The following SPDYA variants were observed in gnomAD, a reference collection of about 807,000 sequenced individuals.
SPDYA encodes speedy protein A.
A neutral mutation model predicts 36.7 loss-of-function variants in SPDYA; 11 were observed. The ratio of observed to expected loss-of-function variants is 0.30; its 90% CI spans 0.19 to 0.50. The LOEUF is 0.50. SPDYA is among the 20% of genes least tolerant of loss of function. The pLI, the probability that SPDYA is intolerant of heterozygous loss-of-function variation, is 0.98. For synonymous variants in SPDYA, 115 were observed against 118.7 expected, an observed-to-expected ratio of 0.97 and a Z score of 0.20; for missense variants, 287 against 370.9, an observed-to-expected ratio of 0.77 and a Z score of 1.86.
Position 28,829,131 on chromosome 2 carries a change from G to A in SPDYA, c.381-17G>A, listed in dbSNP as rs751731136. Reference sequence around the variant, plus strand: ...CCTTTACCCATTTCTTTTTTGGGTTGTGATCTTCTTTGTTAGGTATCTGGC... The same window carrying A: ...CCTTTACCCATTTCTTTTTTGGGTTATGATCTTCTTTGTTAGGTATCTGGC... On this transcript the variant is annotated splice_polypyrimidine_tract_variant and intron_variant, in intron 5 of 7. Coordinates refer to ENST00000334056, the MANE Select transcript of SPDYA (RefSeq NM_182756.4). 1 of 1,598,384 alleles carries A rather than the reference G, an allele frequency of 6.3e-7. No homozygotes were observed. Among genetic ancestry groups the A allele is most frequent in the African/African-American group, 1.4e-5 (1 of 73,750 alleles).
intron 4 of SPDYA, among the ~76,000 whole-genome samples, 165 bp from the exon 5 acceptor site, chr2:28,822,160 C>T (rs1342940890): frequency 2.6e-5 from 4 of 152,126 alleles, no homozygotes; most frequent in Non-Finnish European, 4.4e-5. Context: ...TCACTGTTCA[C>T]ATGGTGGATT....
At chr2:28,842,796 A>G (rs1668779814) in intron 7 of SPDYA, among the ~76,000 whole-genome samples, 1 of 152,138 alleles carries the variant, frequency 6.6e-6, no homozygotes, top group South Asian at 2.1e-4. Flanking sequence ...TTTAATGGAG[A>G]GTGAGCTCAC....
chr2:28,840,220 G>A lies in SPDYA; in HGVS notation c.601G>A (p.Val201Ile). ...TTATATCTGGCAAAGAGAACGTTCT[G>A]TTCATCACAGTGGAGCTGTCAGAAA... ...THYIWQRERS[V>I]HHSGAVRNYN... Residue 201 changes from valine to isoleucine, a missense_variant, in exon 7 of 8, where the codon GTT becomes ATT. Physicochemically the swap from Val to Ile is conservative, Grantham distance 29 (BLOSUM62 3). Coordinates refer to ENST00000334056, the MANE Select transcript of SPDYA (RefSeq NM_182756.4). The A allele has an allele frequency of 6.2e-7, 1 of 1,614,166 alleles. No homozygotes were observed. The highest frequency in any genetic ancestry group is 8.5e-7 in the Non-Finnish European group (1 of 1,180,030).
chr2:28,824,814 G>A (rs112344601), intron 5 of SPDYA, among the ~76,000 whole-genome samples: 34 of 152,152 alleles, frequency 2.2e-4, no homozygotes, highest in African/African-American at 8.2e-4. Context: ...CTCCCAAAGT[G>A]CTAGGATTAC....
At chr2:28,832,720 C>T (rs1474212324) in intron 6 of SPDYA, among the ~76,000 whole-genome samples, 1 of 152,056 alleles carries the variant, frequency 6.6e-6, no homozygotes, top group Non-Finnish European at 1.5e-5. Context: ...TATATTTGTA[C>T]CTTGAAAAAA....
At chr2:28,822,759 C>A (rs1170117428) in intron 5 of SPDYA, among the ~76,000 whole-genome samples, 1 of 152,148 alleles carries the variant, frequency 6.6e-6, no homozygotes, top group African/African-American at 2.4e-5. Context: ...AGCCACGTGC[C>A]ACCACGCTCA....
chr2:28,837,742 CTT>C (rs201687264), intron 6 of SPDYA, among the ~76,000 whole-genome samples: 2,038 of 132,476 alleles, frequency 0.015, 35 homozygotes, highest in African/African-American at 0.052. Context: ...AGAGTCAGTG[CTT>C]TTTTTTTTTT....
intron 4 of SPDYA, among the ~76,000 whole-genome samples, chr2:28,819,547 G>C (rs1226247757): frequency 1.3e-5 from 2 of 151,642 alleles, no homozygotes; most frequent in Non-Finnish European, 2.9e-5. Flanking sequence ...AAAAATAAGA[G>C]CTAGCCTGCA....
intron 6 of SPDYA, among the ~76,000 whole-genome samples, chr2:28,834,660 C>T (rs1668550969): frequency 6.6e-6 from 1 of 152,086 alleles, no homozygotes; most frequent in Admixed American, 6.6e-5. Flanking sequence ...TATGAAAGGT[C>T]CAGAATGGAC....
intron 4 of SPDYA, among the ~76,000 whole-genome samples, chr2:28,819,434 T>C (rs1668077823): frequency 6.6e-6 from 1 of 151,910 alleles, no homozygotes; most frequent in African/African-American, 2.4e-5. Context: ...AACCCAGAAG[T>C]TGGAGGATAC....
At chr2:28,813,132 G>A (rs1427472881) in intron 1 of SPDYA, among the ~76,000 whole-genome samples, 1 of 152,114 alleles carries the variant, frequency 6.6e-6, no homozygotes, top group African/African-American at 2.4e-5. Context: ...TTTTCTGCCA[G>A]TGTTTGCTTA....
chr2:28,814,169 T>C (rs977431441), intron 1 of SPDYA, among the ~76,000 whole-genome samples: 10 of 152,206 alleles, frequency 6.6e-5, no homozygotes, highest in African/African-American at 1.9e-4. Context: ...GCCACTTGTG[T>C]CTATTAAACA....
At position 28,816,399 on chromosome 2, in the gene SPDYA, A is replaced by G. The variant is rs1667984596; in HGVS notation, c.235+150A>G. The G allele has an allele frequency of 2.0e-5, 13 of 635,394 alleles. No homozygotes were observed. In the East Asian group the frequency reaches 3.8e-4, roughly 19 times the overall value. 39.4% of individuals were successfully genotyped at this position (635,394 alleles called of 1,614,324 possible). A position where few individuals can be genotyped will look rare whatever the true frequency, so the allele number is the denominator to read the frequency against. ...AACCAAATTTGTTTTTGTTTTACTT[A>G]GTCTTTTTTTTTCAATGTTGGGTTT... On this transcript the variant is annotated intron_variant, in intron 3 of 7. Coordinates refer to ENST00000334056, the MANE Select transcript of SPDYA (RefSeq NM_182756.4).
At position 28,819,885 on chromosome 2, in the gene SPDYA, T is replaced by A. The variant is rs547691952; in HGVS notation, c.294+779T>A. 6.5e-3 allele frequency among the ~76,000 whole-genome samples: 426 copies of A among 65,542 alleles called. 62 individuals carry two copies. Among genetic ancestry groups the A allele is most frequent in the Middle Eastern group, 0.013 (1 of 76 alleles). The allele number at this position is 65,542 out of a possible 152,430, so 43.0% of individuals were successfully genotyped here. On this transcript the variant is annotated intron_variant, in intron 4 of 7. Transcript: ENST00000334056. ...ATATATATATATATATATATATATA[T>A]ATATATATATATATATATTTTATCC...
chr2:28,826,611 C>CTCTTTTTT (rs1553315436), intron 5 of SPDYA, among the ~76,000 whole-genome samples: 14 of 75,350 alleles, frequency 1.9e-4, no homozygotes, highest in African/African-American at 8.4e-4. Context: ...TTCTTTCTCT[C>CTCTTTTTT]TTTTTTTTTT....
At position 28,816,169 on chromosome 2, in the gene SPDYA, A is replaced by G. The variant is rs1558320565; in HGVS notation, c.155A>G (p.Asn52Ser). 6.2e-7 allele frequency: 1 copy of G among 1,614,092 alleles called. No individual in the cohort carries two copies. The highest frequency in any genetic ancestry group is 8.5e-7 in the Non-Finnish European group (1 of 1,179,990). The change falls in exon 3 of 8, where the codon AAT becomes AGT. Residue 52 changes from asparagine (N) to serine (S), a missense_variant. Physicochemically the swap from Asn to Ser is conservative, Grantham distance 46 (BLOSUM62 1). Transcript: ENST00000334056. ...CAAGCATTTGAAAAAAATACACATA[A>G]TAACAACAAATCTAAACGCCCCAAA... ...NWQAFEKNTH[N>S]NNKSKRPKGP...
At chr2:28,817,766 G>T (rs1476361702) in intron 3 of SPDYA, among the ~76,000 whole-genome samples, 1 of 143,834 alleles carries the variant, frequency 7.0e-6, no homozygotes, top group Non-Finnish European at 1.5e-5. Flanking sequence ...CAGGAGAATC[G>T]CTTGAACCTG....
intron 3 of SPDYA, 53 bp from the exon 4 acceptor site, chr2:28,818,995 A>G (rs1668064938): frequency 1.4e-6 from 2 of 1,388,720 alleles, no homozygotes; most frequent in Non-Finnish European, 1.0e-6. Flanking sequence ...TTAATTCTTC[A>G]AAAGGAAACA....
chr2:28,830,020 TC>T (rs1431711327), intron 6 of SPDYA, among the ~76,000 whole-genome samples: 1 of 149,054 alleles, frequency 6.7e-6, no homozygotes, highest in Non-Finnish European at 1.5e-5. Context: ...GTGCCTGTAA[TC>T]CCAGCTACTT....
Sources: allele counts gnomAD v4.1 joint callset (sites outside exome capture counted in the v4.1 genomes callset), GRCh38; gene constraint gnomAD v4.1.1; transcripts MANE v1.5; gene names NCBI Gene and HGNC (gene_info 2026-07-23, HGNC 2026-07-21).